RIC3: variants seen among roughly 807,000 people sequenced by gnomAD.
RIC3 encodes protein RIC-3.
Under a neutral mutation model 27.3 loss-of-function variants are expected in RIC3, and 28 were observed. The ratio of observed to expected loss-of-function variants is 1.02; its 90% CI spans 0.76 to 1.41. The LOEUF (loss-of-function observed/expected upper bound fraction) is 1.41. Ranked by LOEUF, RIC3 falls within the 40% of genes most tolerant of loss-of-function variation. RIC3 has a pLI of 0.00. For missense variants in RIC3, 501 were observed against 444.7 expected (o/e 1.13, Z -1.14); for synonymous variants, 184 against 160.4 (o/e 1.15, Z -1.11).
chr11:8,111,918 G>A (rs886301585), intron 5 of RIC3, among the ~76,000 whole-genome samples: 6 of 152,252 alleles, frequency 3.9e-5, no homozygotes, highest in African/African-American at 1.4e-4. Flanking sequence ...CCGTGCTGGA[G>A]CTCACACACC....
At position 8,126,692 on chromosome 11, in the gene RIC3, C is replaced by T. The variant is rs746720851; in HGVS notation, c.637G>A (p.Ala213Thr). The T allele has an allele frequency of 3.1e-6, 5 of 1,614,062 alleles. No homozygotes were observed. The Admixed American group carries it at 8.3e-5, about 27-fold the overall frequency. Residue 213 changes from alanine (A) to threonine (T), a missense_variant, in exon 5 of 6, where the codon GCT becomes ACT. Coordinates refer to ENST00000309737, the MANE Select transcript of RIC3 (RefSeq NM_001206671.4). ...FIDRFSPEKE[A>T]EEAPYMEDWE... ...TCCTCCATGTAAGGGGCCTCCTCAG[C>T]TTCTTTCTCTGGAGAAAATCTGTCA...
intron 4 of RIC3, among the ~76,000 whole-genome samples, chr11:8,132,389 G>A (rs1019964928): frequency 6.6e-6 from 1 of 152,158 alleles, no homozygotes; most frequent in South Asian, 2.1e-4. Context: ...AGCCTTCAGA[G>A]TCAAAATATG....
intron 1 of RIC3, among the ~76,000 whole-genome samples, chr11:8,155,622 C>T (rs906194635): frequency 6.6e-6 from 1 of 152,146 alleles, no homozygotes; most frequent in Admixed American, 6.5e-5. Flanking sequence ...CTCTACTTTC[C>T]TTTGTTAATA....
At chr11:8,168,797 C>A in intron 1 of RIC3, 69 bp downstream of exon 1, 1 of 1,549,226 alleles carries the variant, frequency 6.5e-7, no homozygotes. Flanking sequence ...CAGAGTCACC[C>A]CTCCCTCAAG....
downstream of RIC3, chr11:8,102,059 A>T (rs758230923): frequency 3.3e-5 from 6 of 179,224 alleles, no homozygotes; most frequent in Admixed American, 1.1e-4. Context: ...GGGCACAGTG[A>T]ATGTGTGTAT....
intron 5 of RIC3, among the ~76,000 whole-genome samples, chr11:8,120,900 T>TTG (rs1345359648): frequency 1.7e-4 from 26 of 152,114 alleles, no homozygotes; most frequent in Non-Finnish European, 3.4e-4. Context: ...ATCAACGATT[T>TTG]TATACCCAGC....
At chr11:8,129,474 T>C (rs1947423627) in intron 4 of RIC3, among the ~76,000 whole-genome samples, 2 of 152,170 alleles carry the variant, frequency 1.3e-5, no homozygotes, top group South Asian at 4.1e-4. Context: ...CTTGGAACTA[T>C]GTTAAAGTTA....
rs1288745500 is a variant in RIC3 at position 8,106,345 on chromosome 11, A to G, written c.*4353T>C. ...GTTTCCTAGGAGCCTCAGGTGGGTAAGTAGGTGATAATAGCAAAGAGATCA... is the reference window on the plus strand; with the variant it reads ...GTTTCCTAGGAGCCTCAGGTGGGTAGGTAGGTGATAATAGCAAAGAGATCA... On this transcript the variant is annotated 3_prime_UTR_variant, in exon 6 of 6. Coordinates refer to ENST00000309737, the MANE Select transcript of RIC3 (RefSeq NM_001206671.4). 6.6e-6 allele frequency: 1 copy of G among 152,138 alleles called. No individual in the cohort carries two copies. The highest frequency in any genetic ancestry group is 1.5e-5 in the Non-Finnish European group (1 of 68,028). 9.4% of individuals were successfully genotyped at this position (152,138 alleles called of 1,614,324 possible). A position where few individuals can be genotyped will look rare whatever the true frequency, so the allele number is the denominator to read the frequency against.
chr11:8,121,249 A>T (rs1446602147), intron 5 of RIC3, among the ~76,000 whole-genome samples: 1 of 152,202 alleles, frequency 6.6e-6, no homozygotes, highest in Non-Finnish European at 1.5e-5. Context: ...GTAGAGGGGG[A>T]ACAACGAAAA....
chr11:8,101,396 C>T (rs2242504), downstream of RIC3: 95,400 of 1,511,624 alleles, frequency 0.063, 3,351 homozygotes, highest in Middle Eastern at 0.085. Context: ...TTGTTCTTCC[C>T]TCATGTGGTT....
chr11:8,114,945 G>A (rs555888506), intron 5 of RIC3, among the ~76,000 whole-genome samples: 1 of 152,178 alleles, frequency 6.6e-6, no homozygotes, highest in East Asian at 1.9e-4. Flanking sequence ...GAGAAAAAAA[G>A]AATGAAAAGA....
chr11:8,118,696 T>C (rs1175534544), intron 5 of RIC3, among the ~76,000 whole-genome samples: 1 of 151,638 alleles, frequency 6.6e-6, no homozygotes, highest in South Asian at 2.1e-4. Context: ...GGCAAAACCC[T>C]GTCTCTACTA....
chr11:8,096,800 C>T, the RIC3 span: 9 of 1,614,002 alleles, frequency 5.6e-6, no homozygotes, highest in African/African-American at 5.3e-5. Context: ...GCAGGAAGTC[C>T]GTCAGGGTGA....
intron 5 of RIC3, 29 bp from the exon 6 acceptor site, chr11:8,111,166 C>T: frequency 7.2e-7 from 1 of 1,397,784 alleles, no homozygotes; most frequent in Non-Finnish European, 9.7e-7. Context: ...CAAAGTATTA[C>T]AAAGAATGTC....
Position 8,108,481 on chromosome 11 carries a change from G to A in RIC3, c.*2217C>T, listed in dbSNP as rs1315193169. On this transcript the variant is annotated 3_prime_UTR_variant, in exon 6 of 6. Transcript: ENST00000309737. Reference sequence around the variant, plus strand: ...CACTTAATGAGTGGTTATCATGTATGAGCTAGAACCAATGCTGTTTTACAC... The same window carrying A: ...CACTTAATGAGTGGTTATCATGTATAAGCTAGAACCAATGCTGTTTTACAC... 6.6e-6 allele frequency: 1 copy of A among 152,170 alleles called. No homozygotes were observed. The highest frequency in any genetic ancestry group is 1.5e-5 in the Non-Finnish European group (1 of 68,040). 9.4% of individuals were successfully genotyped at this position (152,170 alleles called of 1,614,324 possible).
At chr11:8,138,917 C>G (rs1422363603) in intron 2 of RIC3, 1 of 164,082 alleles carries the variant, frequency 6.1e-6, no homozygotes, top group Non-Finnish European at 1.3e-5. Flanking sequence ...AATGTGAGGT[C>G]CCGTTCCAGC....
intron 5 of RIC3, among the ~76,000 whole-genome samples, chr11:8,126,440 G>C (rs767262745): frequency 6.6e-6 from 1 of 152,162 alleles, no homozygotes. Flanking sequence ...AGCTACAAAG[G>C]GGGAGCTTTC....
intron 1 of RIC3, among the ~76,000 whole-genome samples, chr11:8,167,085 T>C (rs1033071253): frequency 6.6e-5 from 10 of 152,214 alleles, no homozygotes; most frequent in Non-Finnish European, 1.3e-4. Flanking sequence ...TCCTAGGTTA[T>C]ACTACTTCAG....
intron 1 of RIC3, among the ~76,000 whole-genome samples, chr11:8,154,747 TTG>T (rs1459519104): frequency 6.6e-6 from 1 of 150,808 alleles, no homozygotes; most frequent in African/African-American, 2.5e-5. Flanking sequence ...CAAATAAGAT[TTG>T]TGTTTTTTTA....
Sources: allele counts gnomAD v4.1 joint callset (sites outside exome capture counted in the v4.1 genomes callset), GRCh38; gene constraint gnomAD v4.1.1; transcripts MANE v1.5; gene names NCBI Gene and HGNC (gene_info 2026-07-23, HGNC 2026-07-21).